Variants in GRIP1 observed in about 807,000 individuals in gnomAD.
The protein encoded by GRIP1 is glutamate receptor interacting protein 1.
A neutral mutation model predicts 129.9 loss-of-function variants in GRIP1; 45 were observed. The ratio of observed to expected loss-of-function variants is 0.35; its 90% CI spans 0.27 to 0.44. The LOEUF (loss-of-function observed/expected upper bound fraction) is 0.44, where lower values mean the gene tolerates loss of function less well. GRIP1 is among the 20% of genes least tolerant of loss of function. The probability of loss-of-function intolerance (pLI) is 1.00; values close to 1 mark genes in which losing one functional copy is unlikely to be tolerated. For missense variants in GRIP1, 1,196 were observed against 1,396.8 expected, an observed-to-expected ratio of 0.86 and a Z score of 2.29; for synonymous variants, 530 against 520.8, an observed-to-expected ratio of 1.02 and a Z score of -0.24.
At chr12:66,491,114 A>G (rs1221300006) in intron 7 of GRIP1, among the ~76,000 whole-genome samples, 1 of 152,188 alleles carries the variant, frequency 6.6e-6, no homozygotes, top group Non-Finnish European at 1.5e-5. Flanking sequence ...TACTGTGTAC[A>G]TGTATACCCA....
rs1376474708 is a variant in GRIP1 at position 66,900,085 on chromosome 12, A to T, written c.58+168965T>A. 2.0e-5 allele frequency among the ~76,000 whole-genome samples: 3 copies of T among 152,210 alleles called. No homozygotes were observed. In the East Asian group the frequency reaches 5.8e-4, roughly 29 times the overall value. Reference sequence around the variant, plus strand: ...GAAATAAGTGGAAAAGGAGGAAATTAGAGTTGGGAGAAGTAAAGAGATTGG... The same window carrying T: ...GAAATAAGTGGAAAAGGAGGAAATTTGAGTTGGGAGAAGTAAAGAGATTGG... On this transcript the variant is annotated intron_variant, in intron 1 of 1. Transcript: ENST00000643019.
chr12:66,841,798 G>A (rs1771346863), intron 1 of GRIP1, among the ~76,000 whole-genome samples: 1 of 152,152 alleles, frequency 6.6e-6, no homozygotes, highest in African/African-American at 2.4e-5. Context: ...GCATCTTGGG[G>A]TAAACATCCT....
chr12:66,539,329 C>T, intron 3 of GRIP1, 106 bp from the exon 4 acceptor site: 1 of 1,461,302 alleles, frequency 6.8e-7, no homozygotes, highest in East Asian at 2.3e-5. Flanking sequence ...TAGAAGCAAG[C>T]CTAGAAGGCT....
chr12:66,945,226 G>T (rs1015922495), intron 1 of GRIP1, among the ~76,000 whole-genome samples: 106 of 152,238 alleles, frequency 7.0e-4, no homozygotes, highest in African/African-American at 2.5e-3. Flanking sequence ...TAGGTAAATT[G>T]TGTGTCGTGG....
chr12:66,971,073 A>T (rs1169442947), intron 1 of GRIP1, among the ~76,000 whole-genome samples: 1 of 152,136 alleles, frequency 6.6e-6, no homozygotes, highest in Non-Finnish European at 1.5e-5. Context: ...TGCGCCTAGG[A>T]GTTCCACTCT....
intron 1 of GRIP1, among the ~76,000 whole-genome samples, chr12:66,867,179 G>GTGTTTCACCA (rs201222510): frequency 0.021 from 3,177 of 151,866 alleles, 103 homozygotes; most frequent in African/African-American, 0.074. Flanking sequence ...AGTAGAGACG[G>GTGTTTCACCA]TGTTTCACCA....
chr12:66,814,897 T>C (rs1464210177), intron 1 of GRIP1, among the ~76,000 whole-genome samples: 2 of 151,980 alleles, frequency 1.3e-5, no homozygotes, highest in Non-Finnish European at 2.9e-5. Flanking sequence ...TGCCAGACAC[T>C]TATAAAACCA....
chr12:66,492,679 G>A (rs2060133730), intron 7 of GRIP1, among the ~76,000 whole-genome samples: 1 of 152,120 alleles, frequency 6.6e-6, no homozygotes, highest in South Asian at 2.1e-4. Context: ...CTAGCTAGAA[G>A]GGACAGCAAA....
intron 2 of GRIP1, among the ~76,000 whole-genome samples, chr12:66,551,819 C>T (rs1234656153): frequency 6.6e-6 from 1 of 151,846 alleles, no homozygotes; most frequent in African/African-American, 2.4e-5. Context: ...TGGGCTCAAG[C>T]GATGGTCCTG....
intron 1 of GRIP1, among the ~76,000 whole-genome samples, chr12:66,913,008 A>G (rs1219607615): frequency 2.0e-5 from 3 of 152,122 alleles, no homozygotes; most frequent in Admixed American, 2.0e-4. Context: ...GTGCAAAATT[A>G]ACACTCCATT....
chr12:66,712,916 CA>C (rs908182648), intron 1 of GRIP1, among the ~76,000 whole-genome samples: 3 of 151,974 alleles, frequency 2.0e-5, no homozygotes, highest in Non-Finnish European at 4.4e-5. Flanking sequence ...GCAGGGGCTA[CA>C]TCTTTTTCAT....
intron 5 of GRIP1, among the ~76,000 whole-genome samples, chr12:66,529,590 A>T (rs920400816): frequency 6.6e-6 from 1 of 152,202 alleles, no homozygotes; most frequent in African/African-American, 2.4e-5. Flanking sequence ...AAGCTATGAG[A>T]ATGCAAAGGC....
At chr12:66,810,286 G>A (rs1345190964) in intron 1 of GRIP1, among the ~76,000 whole-genome samples, 2 of 152,134 alleles carry the variant, frequency 1.3e-5, no homozygotes, top group African/African-American at 4.8e-5. Flanking sequence ...GGCCAGGCAT[G>A]GTGGCTCACA....
chr12:66,475,276 T>C (rs4628763), intron 7 of GRIP1, among the ~76,000 whole-genome samples: 40,256 of 152,030 alleles, frequency 0.26, 5,545 homozygotes, highest in Middle Eastern at 0.43. Flanking sequence ...CAAGAAGAGC[T>C]AACTATCCTA....
At chr12:66,503,056 A>G (rs2060434252) in intron 7 of GRIP1, among the ~76,000 whole-genome samples, 1 of 152,166 alleles carries the variant, frequency 6.6e-6, no homozygotes, top group South Asian at 2.1e-4. Flanking sequence ...TCTAAAAATG[A>G]TAATTCAGCA....
intron 5 of GRIP1, among the ~76,000 whole-genome samples, chr12:66,522,373 T>C (rs1018117792): frequency 6.6e-6 from 1 of 152,162 alleles, no homozygotes; most frequent in Non-Finnish European, 1.5e-5. Flanking sequence ...CCACTGCTGT[T>C]CTACAGCCAC....
intron 1 of GRIP1, among the ~76,000 whole-genome samples, chr12:66,642,230 G>A (rs2031994485): frequency 6.6e-6 from 1 of 152,098 alleles, no homozygotes. Context: ...TCTAAATCAA[G>A]GCTGGAAAGA....
chr12:66,683,808 T>C (rs112106499), upstream of GRIP1, among the ~76,000 whole-genome samples: 2 of 152,018 alleles, frequency 1.3e-5, no homozygotes, highest in South Asian at 2.1e-4. Context: ...TGGTGGAAAA[T>C]GTTAAAGATA....
intron 1 of GRIP1, among the ~76,000 whole-genome samples, chr12:66,981,167 T>C (rs2042237905): frequency 6.6e-6 from 1 of 152,226 alleles, no homozygotes; most frequent in African/African-American, 2.4e-5. Context: ...TAATCTCTAA[T>C]CAGGAGTTGG....
Sources: allele counts gnomAD v4.1 joint callset (sites outside exome capture counted in the v4.1 genomes callset), GRCh38; gene constraint gnomAD v4.1.1; transcripts MANE v1.5; gene names NCBI Gene and HGNC (gene_info 2026-07-23, HGNC 2026-07-21).